Variants in PDK1 observed in about 807,000 individuals in gnomAD.
The protein encoded by PDK1 is [Pyruvate dehydrogenase (acetyl-transferring)] kinase isozyme 1, mitochondrial.
A neutral mutation model predicts 54.2 loss-of-function variants in PDK1; 39 were observed. That is an observed-to-expected ratio of 0.72 (90% CI 0.56 to 0.94). The LOEUF is 0.94. Ranked by LOEUF, PDK1 falls within the 40% of genes least tolerant of loss-of-function variation. PDK1 has a pLI of 0.00. For missense variants in PDK1, 552 were observed against 566.0 expected (o/e 0.98, Z 0.25); for synonymous variants, 221 against 207.1 (o/e 1.07, Z -0.58).
At chr2:172,717,007 C>A in the PDK1 span, among the ~76,000 whole-genome samples, 1 of 152,192 alleles carries the variant, frequency 6.6e-6, no homozygotes, top group Admixed American at 6.5e-5. Context: ...TGTAGAGATT[C>A]CTACCTGGGG....
chr2:172,649,489 A>C, the PDK1 span, among the ~76,000 whole-genome samples: 13 of 152,230 alleles, frequency 8.5e-5, no homozygotes, highest in Admixed American at 2.0e-4. Flanking sequence ...AATGACTTTG[A>C]CGAGTTGAGA....
chr2:172,681,638 A>G, the PDK1 span, among the ~76,000 whole-genome samples: 15 of 152,334 alleles, frequency 9.8e-5, 1 homozygote, highest in African/African-American at 3.6e-4. Context: ...AAGATAGACA[A>G]TACACATAAT....
At chr2:172,566,304 C>T (rs1688937012) in intron 5 of PDK1, among the ~76,000 whole-genome samples, 2 of 152,154 alleles carry the variant, frequency 1.3e-5, no homozygotes, top group Non-Finnish European at 2.9e-5. Context: ...CCTATAATCC[C>T]AGCACTTTGG....
At chr2:172,652,169 C>A in the PDK1 span, among the ~76,000 whole-genome samples, 1 of 152,194 alleles carries the variant, frequency 6.6e-6, no homozygotes, top group Non-Finnish European at 1.5e-5. Context: ...TCAGCATACA[C>A]AAATCAATGA....
chr2:172,706,968 C>T, the PDK1 span, among the ~76,000 whole-genome samples: 12 of 152,084 alleles, frequency 7.9e-5, no homozygotes, highest in South Asian at 2.1e-4. Context: ...CTCCCCACTC[C>T]GCCTCCACTG....
intron 3 of PDK1, chr2:172,562,759 G>C (rs1302570732): frequency 1.2e-6 from 2 of 1,601,032 alleles, no homozygotes; most frequent in Non-Finnish European, 8.6e-7. Flanking sequence ...GAAGAACATG[G>C]TTGCAGGTCT....
chr2:172,703,289 A>G, the PDK1 span, among the ~76,000 whole-genome samples: 2 of 152,234 alleles, frequency 1.3e-5, no homozygotes, highest in Admixed American at 1.3e-4. Flanking sequence ...CCTTGATTTC[A>G]GCCCAGTGAT....
the PDK1 span, chr2:172,679,028 A>G: frequency 6.6e-6 from 1 of 152,228 alleles, no homozygotes; most frequent in Non-Finnish European, 1.5e-5. Context: ...AATGGTACCT[A>G]AAGCAATAAT....
chr2:172,694,766 A>G, the PDK1 span, among the ~76,000 whole-genome samples: 1 of 152,186 alleles, frequency 6.6e-6, no homozygotes, highest in South Asian at 2.1e-4. Flanking sequence ...TCTTAAATGT[A>G]TACATAGCTC....
At chr2:172,705,307 C>T in the PDK1 span, among the ~76,000 whole-genome samples, 3 of 152,342 alleles carry the variant, frequency 2.0e-5, no homozygotes, top group East Asian at 5.8e-4. Flanking sequence ...CAGTCCCTTT[C>T]TTCCTATAGA....
At chr2:172,630,940 G>A in the PDK1 span, among the ~76,000 whole-genome samples, 2 of 151,996 alleles carry the variant, frequency 1.3e-5, no homozygotes, top group African/African-American at 2.4e-5. Flanking sequence ...ACCCTCTCAT[G>A]GAACCTTAAG....
At chr2:172,714,917 T>G in the PDK1 span, among the ~76,000 whole-genome samples, 1 of 152,102 alleles carries the variant, frequency 6.6e-6, no homozygotes, top group African/African-American at 2.4e-5. Context: ...TAAAAACCGA[T>G]AAGAGCAAAC....
At chr2:172,638,719 C>G in the PDK1 span, among the ~76,000 whole-genome samples, 1 of 150,912 alleles carries the variant, frequency 6.6e-6, no homozygotes, top group South Asian at 2.1e-4. Flanking sequence ...ACGCACCAAT[C>G]AATGCTCTGT....
the PDK1 span, among the ~76,000 whole-genome samples, chr2:172,699,478 C>CTTTT: frequency 1.4e-4 from 18 of 130,232 alleles, no homozygotes; most frequent in South Asian, 2.6e-4. Flanking sequence ...CCTCATCTGA[C>CTTTT]TTTTTTTTTT....
the PDK1 span, among the ~76,000 whole-genome samples, chr2:172,697,067 G>A: frequency 1.6e-3 from 249 of 152,052 alleles, no homozygotes; most frequent in Admixed American, 3.7e-3. Context: ...AATTTGTAAC[G>A]GAAGATGTTT....
At chr2:172,673,025 G>C in the PDK1 span, among the ~76,000 whole-genome samples, 1 of 152,062 alleles carries the variant, frequency 6.6e-6, no homozygotes, top group African/African-American at 2.4e-5. Flanking sequence ...ACTGAGGCAA[G>C]TTTTAGAGTG....
the PDK1 span, among the ~76,000 whole-genome samples, chr2:172,661,766 A>C: frequency 6.6e-6 from 1 of 152,244 alleles, no homozygotes. Flanking sequence ...ACACATGGAC[A>C]TAAAGATGGG....
the PDK1 span, among the ~76,000 whole-genome samples, chr2:172,652,240 C>G: frequency 6.6e-6 from 1 of 152,278 alleles, no homozygotes. Flanking sequence ...TCAATAGATG[C>G]AGAAAAGGCC....
At chr2:172,570,391 C>T (rs1236940188) in intron 7 of PDK1, among the ~76,000 whole-genome samples, 2 of 152,094 alleles carry the variant, frequency 1.3e-5, no homozygotes, top group Admixed American at 6.5e-5. Context: ...ATAGCTGAAA[C>T]TACATTTTCA....
Sources: gnomAD v4.1 joint callset for allele counts (sites outside exome capture counted in the v4.1 genomes callset) on GRCh38, gnomAD v4.1.1 for gene constraint, MANE v1.5 for transcripts, NCBI Gene and HGNC (gene_info 2026-07-23, HGNC 2026-07-21) for gene names.